TDRD1: variants seen among roughly 807,000 people sequenced by gnomAD.
TDRD1 encodes tudor domain-containing protein 1.
In TDRD1, 37 loss-of-function variants were observed where a neutral mutation model predicts 140.6. The observed-to-expected ratio is 0.26, with a 90% CI of 0.20 to 0.35. The LOEUF (loss-of-function observed/expected upper bound fraction) is 0.35, where lower values mean the gene tolerates loss of function less well. TDRD1 is among the 10% of genes least tolerant of loss of function. TDRD1 has a pLI of 1.00. For synonymous variants in TDRD1, 506 were observed against 475.7 expected (o/e 1.06, Z -0.83); for missense variants, 1,243 against 1,393.0 (o/e 0.89, Z 1.71).
At chr10:114,210,805 A>G in intron 12 of TDRD1, 55 bp from the exon 13 acceptor site, 4 of 1,612,750 alleles carry the variant, frequency 2.5e-6, no homozygotes, top group Non-Finnish European at 3.4e-6. Context: ...GAGACTTGAC[A>G]TGTAGAAATA....
At chr10:114,206,611 GTTTTT>G (rs33936742) in intron 11 of TDRD1, among the ~76,000 whole-genome samples, 1 of 105,988 alleles carries the variant, frequency 9.4e-6, no homozygotes, top group African/African-American at 3.6e-5. Context: ...GTTAGGGTTT[GTTTTT>G]TTTTTTTTTT....
exon 19 of TDRD1, chr10:114,220,815 GCTT>G (rs1222392009): frequency 6.2e-7 from 1 of 1,610,748 alleles, no homozygotes; most frequent in Non-Finnish European, 8.5e-7. Context: ...ATAAACATGA[GCTT>G]CAAGTTCATG....
chr10:114,228,675 C>T (rs1304998631), intron 25 of TDRD1: 2 of 985,290 alleles, frequency 2.0e-6, no homozygotes, highest in Admixed American at 6.1e-5. Flanking sequence ...AAAGAACATA[C>T]TGGTGAGTTT....
chr10:114,203,369 T>C lies in TDRD1; in HGVS notation c.802-19T>C, dbSNP rs961295285. 1.1e-5 allele frequency: 16 copies of C among 1,495,582 alleles called. No homozygotes were observed. Among genetic ancestry groups the C allele is most frequent in the Non-Finnish European group, 1.4e-5 (16 of 1,128,922 alleles). The allele number at this position is 1,495,582 out of a possible 1,614,324, so 92.6% of individuals were successfully genotyped here. On this transcript the variant is annotated intron_variant, in intron 7 of 25. Transcript: ENST00000251864. ...TGTGTGCCTTATGAATTATTCCTCT[T>C]TTTTTTTATCTTTGAAAGGGTACGG...
upstream of TDRD1, among the ~76,000 whole-genome samples, chr10:114,178,532 A>C (rs1469403169): frequency 6.6e-6 from 1 of 152,210 alleles, no homozygotes; most frequent in Non-Finnish European, 1.5e-5. Flanking sequence ...CTAAAAATGC[A>C]GTGACTCTGA....
chr10:114,219,775 A>G (rs1470363803), intron 18 of TDRD1, among the ~76,000 whole-genome samples: 2 of 152,106 alleles, frequency 1.3e-5, no homozygotes, highest in Admixed American at 1.3e-4. Context: ...TATTTTTAGT[A>G]GAGACGGGGT....
intron 3 of TDRD1, among the ~76,000 whole-genome samples, chr10:114,198,838 G>C (rs1230925620): frequency 6.6e-6 from 1 of 152,136 alleles, no homozygotes; most frequent in Non-Finnish European, 1.5e-5. Flanking sequence ...GGCTTTTCTT[G>C]TTGGAGCTTT....
intron 5 of TDRD1, among the ~76,000 whole-genome samples, 198 bp downstream of exon 5, chr10:114,201,713 AAGATTTAT>A (rs2034756106): frequency 6.6e-6 from 1 of 152,216 alleles, no homozygotes; most frequent in African/African-American, 2.4e-5. Flanking sequence ...AGTACATGTG[AAGATTTAT>A]AACCTTCAAA....
intron 21 of TDRD1, among the ~76,000 whole-genome samples, chr10:114,224,763 C>T (rs2036339291): frequency 6.6e-6 from 1 of 152,114 alleles, no homozygotes; most frequent in Non-Finnish European, 1.5e-5. Context: ...ATATTACTGT[C>T]AGTCTTCTAA....
chr10:114,221,027 G>GAT (rs962241435), intron 19 of TDRD1, among the ~76,000 whole-genome samples, 184 bp downstream of exon 19: 15 of 152,176 alleles, frequency 9.9e-5, no homozygotes, highest in Admixed American at 8.5e-4. Context: ...GTAATTGTCA[G>GAT]ATAAACATAT....
chr10:114,186,706 G>T (rs2033559657), intron 1 of TDRD1, among the ~76,000 whole-genome samples: 1 of 152,144 alleles, frequency 6.6e-6, no homozygotes, highest in Non-Finnish European at 1.5e-5. Context: ...CCCCATCGCT[G>T]CCCACCTGCA....
At position 114,210,864 on chromosome 10, in the gene TDRD1, G is replaced by A. The variant is rs1376108034; in HGVS notation, c.1557G>A (p.Lys519=). Residue 519 remains lysine, a synonymous_variant, in exon 13 of 26, where the codon AAG becomes AAA. Coordinates refer to ENST00000251864, the Ensembl canonical transcript of TDRD1. ...AGATGTGATCTTTATCTGCAGGAAA[G>A]CTTGCTGAACTTCAGGCATCCCTTA... The A allele has an allele frequency of 3.1e-6, 5 of 1,614,106 alleles. No individual in the cohort carries two copies. The South Asian group carries it at 4.4e-5, about 14-fold the overall frequency.
intron 1 of TDRD1, among the ~76,000 whole-genome samples, chr10:114,182,472 T>G (rs2033149546): frequency 6.6e-6 from 1 of 152,238 alleles, no homozygotes; most frequent in Admixed American, 6.5e-5. Context: ...GGATGTTGTT[T>G]CTAAAGTCAA....
intron 16 of TDRD1, among the ~76,000 whole-genome samples, chr10:114,215,399 A>G (rs1261595060): frequency 2.0e-5 from 3 of 152,138 alleles, no homozygotes; most frequent in Non-Finnish European, 4.4e-5. Context: ...ATTTTCATGG[A>G]GTCCAAACCT....
upstream of TDRD1, among the ~76,000 whole-genome samples, chr10:114,176,738 C>A (rs1475563102): frequency 6.6e-6 from 1 of 152,098 alleles, no homozygotes; most frequent in African/African-American, 2.4e-5. The surrounding 1 kb of genome is among the most constrained non-coding windows in gnomAD (Gnocchi z 4.2). Flanking sequence ...TGTGCCACTG[C>A]ACTCTAGTCT....
At chr10:114,184,613 AGAGGTT>A (rs2033373714) in intron 1 of TDRD1, among the ~76,000 whole-genome samples, 2 of 152,248 alleles carry the variant, frequency 1.3e-5, no homozygotes, top group South Asian at 4.1e-4. Flanking sequence ...CTGGCAAATC[AGAGGTT>A]GAATAGCGTT....
At chr10:114,182,560 A>G (rs1391386575) in intron 1 of TDRD1, among the ~76,000 whole-genome samples, 1 of 152,258 alleles carries the variant, frequency 6.6e-6, no homozygotes, top group African/African-American at 2.4e-5. Flanking sequence ...AGTAAACCTC[A>G]TAGCCTGATG....
At chr10:114,228,295 T>A (rs1309011123) in intron 25 of TDRD1, 20 of 1,392,168 alleles carry the variant, frequency 1.4e-5, no homozygotes. Context: ...TTTGTAGGTT[T>A]ATCTGATCGT....
At chr10:114,190,838 T>A in intron 2 of TDRD1, 123 bp from the exon 3 acceptor site, 2 of 884,164 alleles carry the variant, frequency 2.3e-6, no homozygotes, top group Non-Finnish European at 3.6e-6. Context: ...TGTTCTGGTG[T>A]AGCTATAAGG....
Sources: allele counts gnomAD v4.1 joint callset (sites outside exome capture counted in the v4.1 genomes callset), GRCh38; gene constraint gnomAD v4.1.1; non-coding constraint Gnocchi (gnomAD v3.1); transcripts MANE v1.5; gene names NCBI Gene and HGNC (gene_info 2026-07-23, HGNC 2026-07-21).